H2BW1: variants seen among roughly 807,000 people sequenced by gnomAD.
H2BW1 encodes histone H2B type W-T.
Under a neutral mutation model 8.0 loss-of-function variants are expected in H2BW1, and 9 were observed. The observed-to-expected ratio is 1.13, with a 90% confidence interval of 0.68 to 1.97. The LOEUF is 1.97. H2BW1 is among the 30% of genes most tolerant of loss of function. The pLI, the probability that H2BW1 is intolerant of heterozygous loss-of-function variation, is 0.00. For synonymous variants in H2BW1, 58 were observed against 54.7 expected (o/e 1.06, Z -0.26); for missense variants, 137 against 132.0 (o/e 1.04, Z -0.19).
chrX:104,013,370 G>C lies in H2BW1; in HGVS notation c.207C>G (p.Ser69Arg). ...RVLKQVHQGL[S>R]LSREAVSVMD... ...TGACACTCACGGCCTCCCGGGAAAGGCTGAGGCCCTGGTGAACCTGCTTCA... is the reference window on the plus strand; with the variant it reads ...TGACACTCACGGCCTCCCGGGAAAGCCTGAGGCCCTGGTGAACCTGCTTCA... The change falls in exon 1 of 3, where the codon AGC (serine) becomes AGG (arginine). Residue 69 changes from serine (S) to arginine (R), a missense_variant. Transcript: ENST00000217926. 8.2e-7 allele frequency: 1 copy of C among 1,212,323 alleles called. No individual in the cohort carries two copies. The highest frequency in any genetic ancestry group is 1.1e-6 in the Non-Finnish European group (1 of 895,633).
chrX:104,012,820 C>G (rs1349827727), intron 1 of H2BW1, 72 bp from the exon 2 acceptor site: 1 of 1,178,200 alleles, frequency 8.5e-7, no homozygotes, highest in African/African-American at 1.8e-5. Context: ...GTAATAATAT[C>G]ACCATATAGA....
chrX:104,012,810 G>A (rs2075129815), intron 1 of H2BW1, 62 bp from the exon 2 acceptor site: 1 of 1,195,007 alleles, frequency 8.4e-7, no homozygotes, highest in African/African-American at 1.8e-5. Context: ...GATCAGTGCA[G>A]TAATAATATC....
chrX:104,012,377 G>C (rs1322229216), intron 2 of H2BW1, among the ~76,000 whole-genome samples: 1 of 112,231 alleles, frequency 8.9e-6, no homozygotes, highest in Non-Finnish European at 1.9e-5. Flanking sequence ...AATGACTGTT[G>C]CTCATAGACT....
intron 2 of H2BW1, among the ~76,000 whole-genome samples, chrX:104,011,909 C>T (rs1427595198): frequency 3.6e-5 from 4 of 111,184 alleles, no homozygotes; most frequent in African/African-American, 6.6e-5. Context: ...TCCTATGGGT[C>T]GCAATCCCAG....
intron 2 of H2BW1, 64 bp downstream of exon 2, chrX:104,012,626 C>T: frequency 8.3e-7 from 1 of 1,202,292 alleles, no homozygotes; most frequent in East Asian, 3.0e-5. Flanking sequence ...TGTAACTTGG[C>T]CTCATTTGCT....
rs782738186 is a variant in H2BW1, at chrX:104,013,668, C to A, written c.-92G>T. ...CACTTCGGTACGCAGCATGGCTCCA[C>A]GTCTCGGGCCAGCTTCACGTCTGAT... is the stretch of plus-strand genomic sequence containing the variant. On this transcript the variant is annotated 5_prime_UTR_variant, in exon 1 of 3. Transcript: ENST00000217926. 8 of 1,192,835 alleles carry A rather than the reference C, an allele frequency of 6.7e-6. 1 individual carries two copies. In the South Asian group the frequency reaches 1.3e-4, roughly 19 times the overall value.
Position 104,012,795 on chromosome X carries a change from G to GTAAAGATC in H2BW1, c.408-55_408-48dup, listed in dbSNP as rs1222034735. On this transcript the variant is annotated intron_variant, in intron 1 of 2. Coordinates refer to ENST00000217926, the MANE Select transcript of H2BW1 (RefSeq NM_001002916.5). ...TCACAGGAGAATGAGACAGAAAAAG[G>GTAAAGATC]TAAAGATCAGTGCAGTAATAATATC... 3.3e-6 allele frequency: 4 copies of GTAAAGATC among 1,205,774 alleles called. No individual in the cohort carries two copies. In the African/African-American group the frequency reaches 7.0e-5, roughly 21 times the overall value.
rs782395532 is a variant in H2BW1 at position 104,012,729 on chromosome X, GT to G, written c.426del (p.Gln143SerfsTer20). The G allele has an allele frequency of 9.4e-4, 1,136 of 1,210,046 alleles. No homozygotes were observed. Among genetic ancestry groups the G allele is most frequent in the Non-Finnish European group, 1.2e-3 (1,079 of 895,284 alleles). On this transcript the variant is annotated frameshift_variant, in exon 2 of 3. Coordinates refer to ENST00000217926, the MANE Select transcript of H2BW1 (RefSeq NM_001002916.5). LOFTEE classifies it high-confidence loss of function. ...KAVLRTSLYA[I>X]QQQRK ...CAGCGTATTCACTTTCTCTGTTGCTGTATGGCATACAGTGAAGTTCTGGAAA... is the reference window on the plus strand; with the variant it reads ...CAGCGTATTCACTTTCTCTGTTGCTGATGGCATACAGTGAAGTTCTGGAAA...
intron 2 of H2BW1, among the ~76,000 whole-genome samples, chrX:104,011,903 A>G (rs1425173354): frequency 4.5e-5 from 5 of 111,361 alleles, no homozygotes; most frequent in African/African-American, 6.5e-5. Context: ...ATAAATTCCT[A>G]TGGGTCGCAA....
chrX:104,012,083 T>C (rs1195367295), intron 2 of H2BW1, among the ~76,000 whole-genome samples: 1 of 111,961 alleles, frequency 8.9e-6, no homozygotes, highest in Non-Finnish European at 1.9e-5. Context: ...AAAGCTAACC[T>C]ATATTAACAT....
In H2BW1 at chrX:104,013,565, A is replaced by G. The variant is rs1556337843; in HGVS notation, c.12T>C (p.Pro4=). The change falls in exon 1 of 3, where the codon CCT becomes CCC. Residue 4 remains proline (P), a synonymous_variant. Coordinates refer to ENST00000217926, the MANE Select transcript of H2BW1 (RefSeq NM_001002916.5). MAG[P]SSETTSEEQL... ...GTTCCTCAGAGGTCGTCTCAGAGGA[A>G]GGTCCAGCCATGGCGGAGGCAGTGG... is the stretch of plus-strand genomic sequence containing the variant. 1.2e-5 allele frequency: 15 copies of G among 1,211,964 alleles called. No homozygotes were observed. The South Asian group carries it at 2.1e-4, about 17-fold the overall frequency.
In H2BW1 at chrX:104,013,667, A is replaced by T. The variant is rs1556337934; in HGVS notation, c.-91T>A. The T allele has an allele frequency of 8.4e-7, 1 of 1,193,679 alleles. No homozygotes were observed. On this transcript the variant is annotated 5_prime_UTR_variant, in exon 1 of 3. Transcript: ENST00000217926. ...GCACTTCGGTACGCAGCATGGCTCC[A>T]CGTCTCGGGCCAGCTTCACGTCTGA...
intron 2 of H2BW1, among the ~76,000 whole-genome samples, chrX:104,012,135 G>A (rs782642546): frequency 3.6e-5 from 4 of 112,165 alleles, no homozygotes; most frequent in Middle Eastern, 4.6e-3. Context: ...GGAAATAAGC[G>A]TTATCTGACT....
intron 2 of H2BW1, 73 bp downstream of exon 2, chrX:104,012,617 G>A: frequency 8.3e-7 from 1 of 1,199,739 alleles, no homozygotes; most frequent in Non-Finnish European, 1.1e-6. Context: ...TATGTACACT[G>A]TAACTTGGCC....
At chrX:104,011,625 T>A (rs113686607) in intron 2 of H2BW1, among the ~76,000 whole-genome samples, 162 bp from the exon 3 acceptor site, 51 of 111,470 alleles carry the variant, frequency 4.6e-4, no homozygotes, top group African/African-American at 1.6e-3. Context: ...CCCATTTCCC[T>A]CTTGACCAAA....
chrX:104,013,247 G>C lies in H2BW1; in HGVS notation c.330C>G (p.Thr110=). The change falls in exon 1 of 3, where the codon ACC becomes ACG. Residue 110 remains threonine (T), a synonymous_variant. Transcript: ENST00000217926. ...TKRQTITAWE[T]RMAVRLLLPG... ...GCAGCAGCAGGCGCACAGCCATCCG[G>C]GTCTCCCAGGCAGTGATGGTCTGGC... 1 of 1,212,025 alleles carries C rather than the reference G, an allele frequency of 8.3e-7. No homozygotes were observed.
chrX:104,011,398 T>C lies in H2BW1; in HGVS notation c.*88A>G, dbSNP rs2075126345. On this transcript the variant is annotated 3_prime_UTR_variant, in exon 3 of 3. Transcript: ENST00000217926. The stretch of plus-strand genomic sequence containing the variant: ...AGTTGTGGCTGATTTCGTGGGGGGT[T>C]TTTCTTGGTCTCCTTGTGCAGTGAG... 1 of 111,823 alleles carries C rather than the reference T, an allele frequency of 8.9e-6. No individual in the cohort carries two copies. Among genetic ancestry groups the C allele is most frequent in the Non-Finnish European group, 1.9e-5 (1 of 53,175 alleles). The allele number at this position is 111,823 out of a possible 1,213,427, so 9.2% of individuals were successfully genotyped here.
intron 1 of H2BW1, 111 bp from the exon 2 acceptor site, chrX:104,012,859 A>C (rs1275564628): frequency 1.8e-6 from 2 of 1,098,732 alleles, no homozygotes; most frequent in Non-Finnish European, 2.5e-6. Flanking sequence ...AACAAAAATG[A>C]CCGTTTACGA....
At chrX:104,012,662 CG>C (rs781820851) in intron 2 of H2BW1, 27 bp downstream of exon 2, 3 of 1,209,599 alleles carry the variant, frequency 2.5e-6, no homozygotes, top group Non-Finnish European at 2.2e-6. Flanking sequence ...GTGATGGGAG[CG>C]GTGTTGAAAA....
Sources: allele counts gnomAD v4.1 joint callset (sites outside exome capture counted in the v4.1 genomes callset), GRCh38; gene constraint gnomAD v4.1.1; transcripts MANE v1.5; gene names NCBI Gene and HGNC (gene_info 2026-07-23, HGNC 2026-07-21).